Variants in CHRDL2 observed in about 807,000 individuals in gnomAD.
CHRDL2 encodes chordin-like protein 2.
In CHRDL2, 41 loss-of-function variants were observed where a neutral mutation model predicts 54.3. The observed-to-expected ratio is 0.76, with a 90% CI of 0.59 to 0.98. The LOEUF is 0.98. CHRDL2 is among the 50% of genes least tolerant of loss of function. The pLI, the probability that CHRDL2 is intolerant of heterozygous loss-of-function variation, is 0.00. For synonymous variants in CHRDL2, 220 were observed against 224.3 expected, an observed-to-expected ratio of 0.98 and a Z score of 0.17; for missense variants, 518 against 562.4, an observed-to-expected ratio of 0.92 and a Z score of 0.80.
chr11:74,714,787 G>A (rs1328861355), intron 2 of CHRDL2, among the ~76,000 whole-genome samples: 3 of 152,174 alleles, frequency 2.0e-5, no homozygotes, highest in Non-Finnish European at 4.4e-5. Flanking sequence ...AGTTAGAATC[G>A]GTCTCTTGAT....
rs764059632 is a variant in CHRDL2 at position 74,708,359 on chromosome 11, C to T, written c.469G>A (p.Glu157Lys). Residue 157 changes from glutamate to lysine, a missense_variant, in exon 5 of 11, where the codon GAA (glutamate) becomes AAA (lysine). By Grantham distance (56) the Glu-to-Lys change is moderately conservative. Transcript: ENST00000376332. ...GGGAGGGGTGCTGGGCAGCCTGGTT[C>T]GGGGCAGGTTGTGAGGCCGCAGTAG... ...QIYCGLTTCP[E>K]PGCPAPLPLP... The T allele has an allele frequency of 2.2e-5, 35 of 1,588,404 alleles. No individual in the cohort carries two copies. The highest frequency in any genetic ancestry group is 1.7e-4 in the Middle Eastern group (1 of 5,900).
chr11:74,717,925 G>A (rs1030596220), intron 2 of CHRDL2, among the ~76,000 whole-genome samples: 5 of 152,100 alleles, frequency 3.3e-5, no homozygotes, highest in African/African-American at 1.2e-4. Context: ...CTCCTCTTCC[G>A]CCCCTCCAAT....
Position 74,702,740 on chromosome 11 carries a change from C to T in CHRDL2, c.1120+54G>A, listed in dbSNP as rs779832196. On this transcript the variant is annotated intron_variant, in intron 9 of 10. Transcript: ENST00000376332. ...TAAGGCCCCTGTGGGGTCTGGGGCA[C>T]GGGAAGGGGGACTGGCCAGAGGTAC... 4.1e-5 allele frequency: 66 copies of T among 1,598,326 alleles called. 1 individual carries two copies. The East Asian group carries it at 5.4e-4, about 13-fold the overall frequency.
At chr11:74,705,166 G>A (rs2033968850) in intron 6 of CHRDL2, among the ~76,000 whole-genome samples, 1 of 152,136 alleles carries the variant, frequency 6.6e-6, no homozygotes, top group South Asian at 2.1e-4. Flanking sequence ...CAGAGACAAA[G>A]GGTCTCTGAA....
Position 74,703,345 on chromosome 11 carries a change from G to C in CHRDL2, c.906C>G (p.His302Gln), listed in dbSNP as rs2033894148. 1 of 1,611,876 alleles carries C rather than the reference G, an allele frequency of 6.2e-7. No individual in the cohort carries two copies. The highest frequency in any genetic ancestry group is 8.5e-7 in the Non-Finnish European group (1 of 1,178,928). The change falls in exon 8 of 11, where the codon CAC becomes CAG. Residue 302 changes from histidine (H) to glutamine (Q), a missense_variant. Coordinates refer to ENST00000376332, the MANE Select transcript of CHRDL2 (RefSeq NM_001278473.3). ...AGCACTTCCCAGCCACTTTCTCGGG[G>C]TGACGGCAGGGGTACTCGGTGGGAC... ...VTCPTEYPCR[H>Q]PEKVAGKCCK...
At chr11:74,702,245 C>A (rs2033840884) in intron 9 of CHRDL2, among the ~76,000 whole-genome samples, 1 of 114,356 alleles carries the variant, frequency 8.7e-6, no homozygotes, top group East Asian at 2.6e-4. Flanking sequence ...TGACTGAGAC[C>A]CTGTCTCAAA....
chr11:74,701,456 T>C, intron 9 of CHRDL2: 1 of 580,666 alleles, frequency 1.7e-6, no homozygotes, highest in Non-Finnish European at 3.2e-6. Flanking sequence ...CCTGTCCCCC[T>C]GAGTCTTCTC....
chr11:74,719,381 T>TACACACACACACAC (rs5792667), intron 1 of CHRDL2: 6 of 76,448 alleles, frequency 7.8e-5, no homozygotes, highest in African/African-American at 1.1e-4. Flanking sequence ...CCCTCCCCTG[T>TACACACACACACAC]ACACACACAC....
In CHRDL2 at chr11:74,731,053, A is replaced by AG; in HGVS notation, c.-166dup. The AG allele has an allele frequency of 1.7e-6, 1 of 605,428 alleles. No individual in the cohort carries two copies. Among genetic ancestry groups the AG allele is most frequent in the East Asian group, 2.8e-5 (1 of 35,720 alleles). 37.5% of individuals were successfully genotyped at this position (605,428 alleles called of 1,614,324 possible). On this transcript the variant is annotated 5_prime_UTR_variant, in exon 1 of 11. Coordinates refer to ENST00000376332, the MANE Select transcript of CHRDL2 (RefSeq NM_001278473.3). The surrounding 1 kb of genome is among the most constrained non-coding windows in gnomAD (Gnocchi z 4.4). ...AGGAAGCAGCGGTGGGCAGGAAAGGAGGGCAGGAAGGGAGGTCTAAGGTGG... is the reference window on the plus strand; with the variant it reads ...AGGAAGCAGCGGTGGGCAGGAAAGGAGGGGCAGGAAGGGAGGTCTAAGGTGG...
chr11:74,700,837 T>A (rs2033784006), intron 9 of CHRDL2: 1 of 152,116 alleles, frequency 6.6e-6, no homozygotes, highest in Non-Finnish European at 1.5e-5. Context: ...TTCACCATGT[T>A]GGCCAGGCTG....
intron 4 of CHRDL2, among the ~76,000 whole-genome samples, chr11:74,709,955 G>A (rs1177931992): frequency 3.3e-5 from 5 of 152,144 alleles, no homozygotes; most frequent in African/African-American, 1.2e-4. Context: ...GGTGGCTCAC[G>A]CCTGTAATCC....
intron 1 of CHRDL2, among the ~76,000 whole-genome samples, chr11:74,722,118 C>T (rs1591369918): frequency 1.3e-5 from 2 of 152,312 alleles, no homozygotes; most frequent in Middle Eastern, 6.8e-3. Context: ...CTGAGTGACA[C>T]AGGTGTGTCA....
intron 9 of CHRDL2, chr11:74,697,516 G>T: frequency 3.5e-6 from 2 of 578,566 alleles, no homozygotes; most frequent in Admixed American, 5.3e-5. Flanking sequence ...GTCTTGTCTG[G>T]GTCACTACAC....
At chr11:74,716,944 A>T (rs1304214460) in intron 2 of CHRDL2, among the ~76,000 whole-genome samples, 1 of 152,088 alleles carries the variant, frequency 6.6e-6, no homozygotes, top group African/African-American at 2.4e-5. Context: ...AATAACAAAA[A>T]TTAGCTGGGC....
In CHRDL2 at chr11:74,710,829, G is replaced by C. The variant is rs1460184592; in HGVS notation, c.432+20C>G. On this transcript the variant is annotated intron_variant, in intron 4 of 10. Coordinates refer to ENST00000376332, the MANE Select transcript of CHRDL2 (RefSeq NM_001278473.3). ...GCCCAGAGCGCTGGCCTGTGCTGAA[G>C]GGAAGGCAGGAGTTCTTACTGTGCA... 1.2e-6 allele frequency: 2 copies of C among 1,613,270 alleles called. No homozygotes were observed. The highest frequency in any genetic ancestry group is 2.2e-5 in the East Asian group (1 of 44,864).
At chr11:74,703,953 T>C (rs998744326) in intron 7 of CHRDL2, among the ~76,000 whole-genome samples, 5 of 151,990 alleles carry the variant, frequency 3.3e-5, no homozygotes, top group African/African-American at 1.2e-4. Context: ...TGCAAGGAGG[T>C]CTCTTTTCTC....
intron 9 of CHRDL2, among the ~76,000 whole-genome samples, chr11:74,700,691 T>A (rs867876487): frequency 1.3e-5 from 2 of 150,528 alleles, no homozygotes; most frequent in African/African-American, 4.9e-5. Flanking sequence ...CAGGCTGGAG[T>A]GCAGTGGCAC....
chr11:74,711,399 G>T (rs76470505), intron 3 of CHRDL2, among the ~76,000 whole-genome samples: 1 of 152,232 alleles, frequency 6.6e-6, no homozygotes, highest in Non-Finnish European at 1.5e-5. Context: ...GAGCAAAAGA[G>T]TCCCTGCCCT....
intron 6 of CHRDL2, 79 bp from the exon 7 acceptor site, chr11:74,704,733 G>T: frequency 7.0e-7 from 1 of 1,425,012 alleles, no homozygotes; most frequent in Non-Finnish European, 9.7e-7. Flanking sequence ...AAGACAGGCT[G>T]CAGCAAGAGG....
Sources: allele counts gnomAD v4.1 joint callset (sites outside exome capture counted in the v4.1 genomes callset), GRCh38; gene constraint gnomAD v4.1.1; non-coding constraint Gnocchi (gnomAD v3.1); transcripts MANE v1.5; gene names NCBI Gene and HGNC (gene_info 2026-07-23, HGNC 2026-07-21).